Variants in IGDCC3 observed in about 807,000 individuals in gnomAD.
IGDCC3 encodes the protein immunoglobulin superfamily DCC subclass member 3.
IGDCC3 carries 47 observed loss-of-function variants against 72.0 expected under a neutral mutation model. The observed-to-expected ratio is 0.65, with a 90% CI of 0.52 to 0.83. The LOEUF (loss-of-function observed/expected upper bound fraction) is 0.83, where lower values mean the gene tolerates loss of function less well. IGDCC3 is among the 40% of genes least tolerant of loss of function. The pLI is 0.00. For synonymous variants in IGDCC3, 477 were observed against 472.8 expected (o/e 1.01, Z -0.11); for missense variants, 1,038 against 1,091.3 (o/e 0.95, Z 0.69).
At position 65,377,092 on chromosome 15, in the gene IGDCC3, C is replaced by G. The variant is rs2091363434; in HGVS notation, c.103+594G>C. Among the ~76,000 whole-genome samples the G allele has an allele frequency of 6.6e-6, 1 of 152,160 alleles. No individual in the cohort carries two copies. Among genetic ancestry groups the G allele is most frequent in the Non-Finnish European group, 1.5e-5 (1 of 68,022 alleles). ...GCTTTCGGTGGCTTCTCCTCTCCTT[C>G]TTGGCTCACGGGCTCTGTCCCGGGT... On this transcript the variant is annotated intron_variant, in intron 1 of 13. Coordinates refer to ENST00000327987, the MANE Select transcript of IGDCC3 (RefSeq NM_004884.4). The surrounding 1 kb of genome is among the most constrained non-coding windows in gnomAD (Gnocchi z 4.9).
At chr15:65,341,139 A>C (rs2091077630) in intron 2 of IGDCC3, among the ~76,000 whole-genome samples, 1 of 152,222 alleles carries the variant, frequency 6.6e-6, no homozygotes, top group Non-Finnish European at 1.5e-5. Context: ...CCTAGTATTA[A>C]AAAAAGAGAG....
At chr15:65,343,177 G>C (rs569633885) in intron 2 of IGDCC3, among the ~76,000 whole-genome samples, 5 of 152,296 alleles carry the variant, frequency 3.3e-5, no homozygotes, top group African/African-American at 1.2e-4. Context: ...TTGGCAGAGA[G>C]CAAATACTTG....
Position 65,376,706 on chromosome 15 carries a change from G to A in IGDCC3, c.103+980C>T, listed in dbSNP as rs560850316. ...CCTGCGCATCCTCCCCATGTCGTGA[G>A]TTCACCCGTCTTAGCCCCGAATCCA... On this transcript the variant is annotated intron_variant, in intron 1 of 13. Transcript: ENST00000327987. Among the ~76,000 whole-genome samples, 7 of 152,042 alleles carry A rather than the reference G, an allele frequency of 4.6e-5. No individual in the cohort carries two copies. The East Asian group carries it at 1.4e-3, about 29-fold the overall frequency.
rs1260109116 is a variant in IGDCC3 at position 65,362,741 on chromosome 15, ACTGT to A, written c.409+12352_409+12355del. Among the ~76,000 whole-genome samples the A allele has an allele frequency of 3.3e-5, 5 of 151,760 alleles. No individual in the cohort carries two copies. In the South Asian group the frequency reaches 6.2e-4, roughly 19 times the overall value. On this transcript the variant is annotated intron_variant, in intron 2 of 13. Coordinates refer to ENST00000327987, the MANE Select transcript of IGDCC3 (RefSeq NM_004884.4). Reference sequence around the variant, plus strand: ...ACCCAGAGCCGGTCGTCAGTGCAAGACTGTCTGCATCTTGCACTGGGTCCAGCAA... The same window carrying A: ...ACCCAGAGCCGGTCGTCAGTGCAAGACTGCATCTTGCACTGGGTCCAGCAA...
Position 65,329,943 on chromosome 15 carries a change from C to G in IGDCC3, c.1859-79G>C. The G allele has an allele frequency of 6.8e-7, 1 of 1,477,548 alleles. No homozygotes were observed. Among genetic ancestry groups the G allele is most frequent in the South Asian group, 1.1e-5 (1 of 87,308 alleles). The allele number at this position is 1,477,548 out of a possible 1,614,324, so 91.5% of individuals were successfully genotyped here. A position where few individuals can be genotyped will look rare whatever the true frequency, so the allele number is the denominator to read the frequency against. The stretch of plus-strand genomic sequence containing the variant: ...AAACACCCAGCCTCTGGGGACTCCT[C>G]TTCCTTCAGCTGCTCCCACTCCCAA... On this transcript the variant is annotated intron_variant, in intron 11 of 13. Transcript: ENST00000327987. The surrounding 1 kb of genome is among the most constrained non-coding windows in gnomAD (Gnocchi z 4.1).
chr15:65,374,210 C>T (rs565313214), intron 2 of IGDCC3: 1 of 152,266 alleles, frequency 6.6e-6, no homozygotes, highest in African/African-American at 2.4e-5. Context: ...GGACACCCCC[C>T]CTTCCAGAGG....
At chr15:65,352,639 T>A (rs1162433636) in intron 2 of IGDCC3, among the ~76,000 whole-genome samples, 1 of 152,180 alleles carries the variant, frequency 6.6e-6, no homozygotes, top group Non-Finnish European at 1.5e-5. Flanking sequence ...TACAAGCCCA[T>A]GGCAGGGCTC....
chr15:65,373,542 G>C (rs1477577921), intron 2 of IGDCC3: 2 of 152,576 alleles, frequency 1.3e-5, no homozygotes, highest in African/African-American at 4.8e-5. Context: ...CAGCCGTTCA[G>C]AGCAACTGTG....
rs143853571 is a variant in IGDCC3 at position 65,377,001 on chromosome 15, C to A, written c.103+685G>T. Among the ~76,000 whole-genome samples the A allele has an allele frequency of 7.2e-3, 1,095 of 152,292 alleles. 19 individuals are homozygous for A. The highest frequency in any genetic ancestry group is 0.025 in the African/African-American group (1,036 of 41,568). On this transcript the variant is annotated intron_variant, in intron 1 of 13. Transcript: ENST00000327987. The surrounding 1 kb of genome is among the most constrained non-coding windows in gnomAD (Gnocchi z 4.9). ...CGGACCGCGAGAGCCAGGGCAAGGT[C>A]TCCGCGTGTGCACACTTCGGGGAAG...
Position 65,377,694 on chromosome 15 carries a change from G to T in IGDCC3, c.95C>A (p.Pro32Gln). 7.0e-7 allele frequency: 1 copy of T among 1,422,276 alleles called. No homozygotes were observed. Among genetic ancestry groups the T allele is most frequent in the Non-Finnish European group, 9.2e-7 (1 of 1,092,200 alleles). 88.1% of individuals were successfully genotyped at this position (1,422,276 alleles called of 1,614,324 possible). Residue 32 changes from proline to glutamine, a missense_variant, in exon 1 of 14, where the codon CCG becomes CAG. Transcript: ENST00000327987. This position sits in a 1 kb window ranked among gnomAD's most constrained non-coding sequence, Gnocchi z 4.9. ...LPLLLLLLPAPSEGLGHSAEL... is the reference protein window; with the variant it reads ...LPLLLLLLPAQSEGLGHSAEL... ...GGGGCGCTTTCACTCACCCTCGCTC[G>T]GCGCGGGCAGCAGCAGCAACAGCAG...
intron 2 of IGDCC3, chr15:65,373,802 AC>A (rs1265200267): frequency 6.6e-6 from 1 of 152,620 alleles, no homozygotes; most frequent in African/African-American, 2.4e-5. Flanking sequence ...CATGTAAAGC[AC>A]TTGGACAGGG....
rs1291412290 is a variant in IGDCC3, at chr15:65,339,470, T to C, written c.410-3514A>G. On this transcript the variant is annotated intron_variant, in intron 2 of 13. Transcript: ENST00000327987. The surrounding 1 kb of genome is among the most constrained non-coding windows in gnomAD (Gnocchi z 4.1). The stretch of plus-strand genomic sequence containing the variant: ...CTTTAGGAAGTTTGAGGAAAAGGGA[T>C]GTTGAGGCCATTTCGGCCCCCTCTA... Among the ~76,000 whole-genome samples, 1 of 152,218 alleles carries C rather than the reference T, an allele frequency of 6.6e-6. No individual in the cohort carries two copies. Among genetic ancestry groups the C allele is most frequent in the Non-Finnish European group, 1.5e-5 (1 of 68,038 alleles).
At position 65,350,650 on chromosome 15, in the gene IGDCC3, T is replaced by C. The variant is rs577376375; in HGVS notation, c.410-14694A>G. 4.5e-3 allele frequency among the ~76,000 whole-genome samples: 686 copies of C among 151,646 alleles called. 1 individual carries two copies. Among genetic ancestry groups the C allele is most frequent in the Non-Finnish European group, 7.3e-3 (496 of 67,940 alleles). On this transcript the variant is annotated intron_variant, in intron 2 of 13. Transcript: ENST00000327987. ...CTAAGTTTTGTATTTTTAGTAGAGA[T>C]AGGGTTTAACTGTGTTTCCCAGGCT...
At chr15:65,361,396 C>T (rs1168022005) in intron 2 of IGDCC3, among the ~76,000 whole-genome samples, 5 of 151,376 alleles carry the variant, frequency 3.3e-5, no homozygotes, top group East Asian at 1.9e-4. Context: ...AAGCCGCGAT[C>T]GTGCTGCTGC....
intron 2 of IGDCC3, among the ~76,000 whole-genome samples, chr15:65,365,275 T>C (rs556052153): frequency 3.8e-4 from 57 of 151,954 alleles, no homozygotes; most frequent in African/African-American, 1.3e-3. Context: ...TCTCTCACGG[T>C]GGTCTGTCCC....
In IGDCC3 at chr15:65,328,998, G is replaced by T; in HGVS notation, c.2356C>A (p.Pro786Thr). ...CTGAGGAGGCCAGGGCCTCCATCTG[G>T]GGGTGGTGGGGCAGCCGCCAGGCCG... ...CAGLAAAPPP[P>T]DGGPGLLSEG... Residue 786 changes from proline to threonine, a missense_variant, in exon 14 of 14, where the codon CCA becomes ACA. Transcript: ENST00000327987. 2 of 1,611,324 alleles carry T rather than the reference G, an allele frequency of 1.2e-6. No homozygotes were observed. Among genetic ancestry groups the T allele is most frequent in the Non-Finnish European group, 1.7e-6 (2 of 1,179,076 alleles).
At chr15:65,332,825 G>A (rs1021899759) in intron 6 of IGDCC3, among the ~76,000 whole-genome samples, 18 of 152,338 alleles carry the variant, frequency 1.2e-4, no homozygotes, top group African/African-American at 4.1e-4. Context: ...CTCTGCCTGC[G>A]CAGTGAGGCT....
rs146242107 is a variant in IGDCC3 at position 65,334,865 on chromosome 15, C to G, written c.686G>C (p.Gly229Ala). Residue 229 changes from glycine to alanine, a missense_variant and splice_region_variant, in exon 5 of 14, where the codon GGC becomes GCC. Transcript: ENST00000327987. Reference protein sequence around the residue: ...ISHGARLTVSGSGSGAYKEPA... With the variant: ...ISHGARLTVSASGSGAYKEPA... ...CTCCTTGTAGGCCCCAGAGCCCGAG[C>G]CTGGGAGGAAGACGCCACATATCCT... 606 of 1,609,694 alleles carry G rather than the reference C, an allele frequency of 3.8e-4. 7 individuals carry two copies. Among genetic ancestry groups the G allele is most frequent in the Admixed American group, 1.0e-4 (6 of 59,050 alleles).
At chr15:65,330,891 A>G (rs968027564) in intron 9 of IGDCC3, 150 bp from the exon 10 acceptor site, 11 of 1,093,420 alleles carry the variant, frequency 1.0e-5, no homozygotes, top group Non-Finnish European at 1.3e-5. Flanking sequence ...CTTCCTAGGA[A>G]TTAGAAAAAG....
Sources: allele counts gnomAD v4.1 joint callset (sites outside exome capture counted in the v4.1 genomes callset), GRCh38; gene constraint gnomAD v4.1.1; non-coding constraint Gnocchi (gnomAD v3.1); transcripts MANE v1.5; gene names NCBI Gene and HGNC (gene_info 2026-07-23, HGNC 2026-07-21).